Variants in SGCD observed in about 807,000 individuals in gnomAD.
SGCD encodes sarcoglycan delta.
In SGCD, 18 loss-of-function variants were observed where a neutral mutation model predicts 36.6. The ratio of observed to expected loss-of-function variants is 0.49; its 90% CI spans 0.34 to 0.73. The LOEUF (loss-of-function observed/expected upper bound fraction) is 0.73. Ranked by LOEUF, SGCD falls within the 30% of genes least tolerant of loss-of-function variation. The pLI is 0.01. For synonymous variants in SGCD, 133 were observed against 130.6 expected, an observed-to-expected ratio of 1.02 and a Z score of -0.12; for missense variants, 387 against 346.7, an observed-to-expected ratio of 1.12 and a Z score of -0.92.
At chr5:156,001,366 C>G (rs146052124) in intron 1 of SGCD, among the ~76,000 whole-genome samples, 2 of 152,116 alleles carry the variant, frequency 1.3e-5, no homozygotes, top group African/African-American at 4.8e-5. Context: ...GGGGAACTGG[C>G]AAAATTTCAA....
At chr5:156,142,100 A>G (rs1414482673) in intron 3 of SGCD, among the ~76,000 whole-genome samples, 2 of 152,136 alleles carry the variant, frequency 1.3e-5, no homozygotes, top group South Asian at 4.1e-4. Context: ...TGTTATCATG[A>G]TAGTGAGTGA....
At chr5:156,310,705 G>C (rs1767370886) in intron 3 of SGCD, among the ~76,000 whole-genome samples, 1 of 152,108 alleles carries the variant, frequency 6.6e-6, no homozygotes, top group South Asian at 2.1e-4. Context: ...ATTTATTTTT[G>C]TGTGAATGAA....
intron 3 of SGCD, among the ~76,000 whole-genome samples, chr5:156,483,807 A>G (rs1755543578): frequency 6.6e-6 from 1 of 152,218 alleles, no homozygotes; most frequent in Non-Finnish European, 1.5e-5. Context: ...TTTTTAAAAA[A>G]TACCTGGTTT....
At chr5:155,961,811 T>C (rs1429971873) in intron 1 of SGCD, among the ~76,000 whole-genome samples, 3 of 152,074 alleles carry the variant, frequency 2.0e-5, no homozygotes, top group African/African-American at 4.8e-5. Flanking sequence ...CATATTTTCA[T>C]TGAGAAAAGT....
At chr5:156,373,902 C>G (rs896806845) in intron 3 of SGCD, among the ~76,000 whole-genome samples, 2 of 152,128 alleles carry the variant, frequency 1.3e-5, no homozygotes, top group Non-Finnish European at 1.5e-5. Flanking sequence ...ATGGAAAGAC[C>G]AACCAGACTG....
At chr5:156,168,156 A>G (rs1763256603) in intron 3 of SGCD, among the ~76,000 whole-genome samples, 1 of 152,224 alleles carries the variant, frequency 6.6e-6, no homozygotes, top group African/African-American at 2.4e-5. Context: ...AGATAAAATC[A>G]TCATTTTTTT....
At chr5:155,929,240 A>G (rs1757053225) in intron 1 of SGCD, among the ~76,000 whole-genome samples, 1 of 152,018 alleles carries the variant, frequency 6.6e-6, no homozygotes, top group Non-Finnish European at 1.5e-5. Flanking sequence ...ATGATGTCTG[A>G]TTTTTCTCTT....
intron 3 of SGCD, among the ~76,000 whole-genome samples, chr5:156,375,287 A>G (rs1020604542): frequency 1.3e-5 from 2 of 152,218 alleles, no homozygotes; most frequent in Non-Finnish European, 1.5e-5. Flanking sequence ...TTACATAAGC[A>G]TAGTACAATA....
chr5:156,511,587 A>T (rs555709969), intron 4 of SGCD, among the ~76,000 whole-genome samples: 1 of 152,296 alleles, frequency 6.6e-6, no homozygotes, highest in South Asian at 2.1e-4. Flanking sequence ...CCTTCTGTTC[A>T]TCTTTGTATC....
At chr5:156,608,141 G>T (rs1174286011) in intron 6 of SGCD, among the ~76,000 whole-genome samples, 17 of 152,144 alleles carry the variant, frequency 1.1e-4, no homozygotes, top group Admixed American at 1.0e-3. Flanking sequence ...ATGTTAGTGT[G>T]TCAATTTTAG....
intron 3 of SGCD, among the ~76,000 whole-genome samples, chr5:156,347,889 A>G (rs184677852): frequency 4.8e-4 from 73 of 152,332 alleles, no homozygotes; most frequent in East Asian, 1.2e-3. Flanking sequence ...AGTTAACTAA[A>G]TTGATTGCCA....
intron 1 of SGCD, among the ~76,000 whole-genome samples, chr5:156,051,935 T>C (rs1255073069): frequency 6.9e-6 from 1 of 145,838 alleles, no homozygotes; most frequent in African/African-American, 2.5e-5. Context: ...GAAGGCGTTA[T>C]GATGTTGTGT....
intron 6 of SGCD, among the ~76,000 whole-genome samples, chr5:156,604,794 AAT>A (rs55796955): frequency 1.5e-5 from 2 of 136,040 alleles, no homozygotes; most frequent in Non-Finnish European, 3.2e-5. Flanking sequence ...TTATATGTAT[AAT>A]ATATATAAAT....
At chr5:156,502,320 A>G (rs1425249655) in intron 3 of SGCD, among the ~76,000 whole-genome samples, 1 of 152,098 alleles carries the variant, frequency 6.6e-6, no homozygotes, top group African/African-American at 2.4e-5. Flanking sequence ...TGCTGGGATT[A>G]CAGGCGTGAG....
chr5:156,125,582 G>T (rs545666885), intron 3 of SGCD, among the ~76,000 whole-genome samples: 1 of 152,092 alleles, frequency 6.6e-6, no homozygotes, highest in African/African-American at 2.4e-5. Context: ...TCCTTCTCTA[G>T]TCAGAATAAC....
Position 156,591,911 on chromosome 5 carries a change from T to G in SGCD, c.382+2593T>G, listed in dbSNP as rs114457963. Among the ~76,000 whole-genome samples, 473 of 152,288 alleles carry G rather than the reference T, an allele frequency of 3.1e-3. 4 individuals carry two copies. Among genetic ancestry groups the G allele is most frequent in the African/African-American group, 9.8e-3 (407 of 41,562 alleles). Reference sequence around the variant, plus strand: ...TGCACCACTGAGCCAGCAGTTGCTCTGTGGGGTTTTGGCTAAAACTACCAA... The same window carrying G: ...TGCACCACTGAGCCAGCAGTTGCTCGGTGGGGTTTTGGCTAAAACTACCAA... On this transcript the variant is annotated intron_variant, in intron 5 of 8. Coordinates refer to ENST00000337851, the MANE Select transcript of SGCD (RefSeq NM_000337.6).
intron 4 of SGCD, among the ~76,000 whole-genome samples, chr5:156,545,150 G>T (rs1360664224): frequency 6.6e-6 from 1 of 152,134 alleles, no homozygotes; most frequent in East Asian, 1.9e-4. Context: ...TTTGTCCCAT[G>T]AAATTAGAAA....
Position 156,155,892 on chromosome 5 carries a change from C to A in SGCD, c.-44+31873C>A, listed in dbSNP as rs542761972. Among the ~76,000 whole-genome samples the A allele has an allele frequency of 5.1e-4, 77 of 151,826 alleles. 3 individuals are homozygous for A. The highest frequency in any genetic ancestry group is 1.8e-3 in the African/African-American group (73 of 41,112). ...GCAGGAGCCTGTCAGCCTTGCTGCA[C>A]AGGCAGCACACCTCTGAGATAAGAG... On this transcript the variant is annotated intron_variant, in intron 3 of 9. Coordinates refer to the SGCD transcript ENST00000517913.
At chr5:156,546,192 G>A (rs1332151175) in intron 4 of SGCD, among the ~76,000 whole-genome samples, 1 of 152,128 alleles carries the variant, frequency 6.6e-6, no homozygotes, top group Non-Finnish European at 1.5e-5. Flanking sequence ...CTGTATTCTG[G>A]AATATGTGTT....
Sources: allele counts gnomAD v4.1 joint callset (sites outside exome capture counted in the v4.1 genomes callset), GRCh38; gene constraint gnomAD v4.1.1; transcripts MANE v1.5; gene names NCBI Gene and HGNC (gene_info 2026-07-23, HGNC 2026-07-21).